FYN: variants seen among roughly 807,000 people sequenced by gnomAD.
FYN encodes tyrosine-protein kinase Fyn.
Under a neutral mutation model 70.2 loss-of-function variants are expected in FYN, and 10 were observed. The observed-to-expected ratio is 0.14, with a 90% CI of 0.09 to 0.24. The LOEUF is 0.24. Among genes scored for constraint, FYN ranks in the 10% least tolerant of loss-of-function variants. The probability of loss-of-function intolerance (pLI) is 1.00; values close to 1 mark genes in which losing one functional copy is unlikely to be tolerated. For missense variants in FYN, 319 were observed against 673.1 expected (o/e 0.47, Z 5.82); for synonymous variants, 236 against 248.6 (o/e 0.95, Z 0.48).
At chr6:111,858,707 G>T (rs925727328) in intron 1 of FYN, among the ~76,000 whole-genome samples, 2 of 152,006 alleles carry the variant, frequency 1.3e-5, no homozygotes, top group Admixed American at 6.6e-5. Flanking sequence ...TAGCTTCAAT[G>T]GGGGAGACTC....
At chr6:111,662,079 G>C in intron 13 of FYN, 132 bp from the exon 14 acceptor site, 1 of 674,676 alleles carries the variant, frequency 1.5e-6, no homozygotes, top group Non-Finnish European at 2.5e-6. Context: ...ATCCCCCCAG[G>C]AGTCAAACCC....
chr6:111,855,449 A>G (rs1193683289), intron 1 of FYN, among the ~76,000 whole-genome samples: 2 of 152,230 alleles, frequency 1.3e-5, no homozygotes, highest in East Asian at 1.9e-4. Context: ...TCATAACTGC[A>G]TTCAAACAAG....
chr6:111,696,359 C>G lies in FYN; in HGVS notation c.960G>C (p.Lys320Asn). Residue 320 changes from lysine to asparagine, a missense_variant, in exon 10 of 14, where the codon AAG becomes AAC. By Grantham distance (94) the Lys-to-Asn change is moderately conservative (BLOSUM62 0). Around this residue, in one of 4 missense-constraint regions of FYN, gnomAD observed 112 missense variants for 250.2 expected, o/e 0.45. Transcript: ENST00000354650. The part of the protein sequence containing the change: ...SFLEEAQIMK[K>N]LKHDKLVQLY... ...GCTGGACCAGCTTGTCGTGCTTCAG[C>G]TTCTTCATGATCTGCGCTTCCTCAA... The G allele has an allele frequency of 6.2e-7, 1 of 1,613,992 alleles. No homozygotes were observed. Among genetic ancestry groups the G allele is most frequent in the Non-Finnish European group, 8.5e-7 (1 of 1,179,966 alleles).
intron 12 of FYN, among the ~76,000 whole-genome samples, chr6:111,692,279 A>G (rs2128432274): frequency 6.6e-6 from 1 of 152,336 alleles, no homozygotes; most frequent in South Asian, 2.1e-4. Context: ...AGGCTAAAAG[A>G]ACAAGGTTGG....
chr6:111,677,952 A>G (rs1798605577), intron 12 of FYN, among the ~76,000 whole-genome samples: 1 of 152,170 alleles, frequency 6.6e-6, no homozygotes, highest in Admixed American at 6.5e-5. Context: ...ATGATCATCT[A>G]TGTCACTGAT....
intron 9 of FYN, among the ~76,000 whole-genome samples, chr6:111,698,188 CA>C (rs1799660770): frequency 6.6e-6 from 1 of 151,994 alleles, no homozygotes; most frequent in African/African-American, 2.4e-5. Flanking sequence ...TGCAATGGTG[CA>C]ATGGTGCGAT....
intron 13 of FYN, among the ~76,000 whole-genome samples, chr6:111,665,649 C>T (rs1453990793): frequency 5.9e-5 from 9 of 151,766 alleles, no homozygotes; most frequent in Admixed American, 3.3e-4. Context: ...TGAGATGAAG[C>T]GTGGCTCTGT....
chr6:111,803,169 T>C (rs573764181), intron 2 of FYN, among the ~76,000 whole-genome samples: 1 of 152,378 alleles, frequency 6.6e-6, no homozygotes, highest in South Asian at 2.1e-4. Flanking sequence ...GCCAAGCTCC[T>C]GCTTCATCCC....
At chr6:111,834,695 G>A (rs1461963392) in intron 2 of FYN, among the ~76,000 whole-genome samples, 1 of 152,216 alleles carries the variant, frequency 6.6e-6, no homozygotes, top group Non-Finnish European at 1.5e-5. Context: ...CTTTTGCTGA[G>A]TTGTACTCAG....
At chr6:111,857,730 T>C (rs979145273) in intron 1 of FYN, among the ~76,000 whole-genome samples, 1 of 152,182 alleles carries the variant, frequency 6.6e-6, no homozygotes, top group African/African-American at 2.4e-5. Context: ...ACAGGTAACC[T>C]AGTGGCTTCA....
chr6:111,671,186 T>C (rs1310338311), intron 13 of FYN, among the ~76,000 whole-genome samples: 1 of 152,232 alleles, frequency 6.6e-6, no homozygotes, highest in Non-Finnish European at 1.5e-5. Flanking sequence ...CAGTATTTTT[T>C]CCTTCGGCTT....
Position 111,718,544 on chromosome 6 carries a change from C to T in FYN, c.247+1261G>A, listed in dbSNP as rs537577391. 1.3e-4 allele frequency among the ~76,000 whole-genome samples: 20 copies of T among 152,278 alleles called. No individual in the cohort carries two copies. The South Asian group carries it at 3.9e-3, about 30-fold the overall frequency. ...GTGAATGAATGAACAAGGACAATGG[C>T]TGTGTCAGTAGAATTAACAGTCTGG... On this transcript the variant is annotated intron_variant, in intron 4 of 13. Transcript: ENST00000354650.
At chr6:111,768,293 C>T (rs1562513039) in intron 3 of FYN, among the ~76,000 whole-genome samples, 1 of 152,220 alleles carries the variant, frequency 6.6e-6, no homozygotes, top group African/African-American at 2.4e-5. Flanking sequence ...CAATGCCCAG[C>T]ACTGTTCCTT....
chr6:111,787,896 T>A (rs2128510940), intron 2 of FYN, among the ~76,000 whole-genome samples: 1 of 152,308 alleles, frequency 6.6e-6, no homozygotes, highest in Non-Finnish European at 1.5e-5. Context: ...CACAAACTTT[T>A]CAGCTTTGCA....
At chr6:111,767,216 A>C (rs2128497556) in intron 3 of FYN, among the ~76,000 whole-genome samples, 1 of 152,306 alleles carries the variant, frequency 6.6e-6, no homozygotes, top group Admixed American at 6.5e-5. Flanking sequence ...CTGCTCTTCT[A>C]AAACTTCAGG....
intron 2 of FYN, among the ~76,000 whole-genome samples, chr6:111,785,402 T>C (rs899050546): frequency 6.6e-6 from 1 of 152,246 alleles, no homozygotes; most frequent in Non-Finnish European, 1.5e-5. Flanking sequence ...GTTTGTTGAA[T>C]GAATAAATGA....
At chr6:111,775,475 G>A (rs1770896754) in intron 3 of FYN, among the ~76,000 whole-genome samples, 1 of 152,210 alleles carries the variant, frequency 6.6e-6, no homozygotes, top group African/African-American at 2.4e-5. Context: ...TAACACAGAA[G>A]TTGACACCCT....
intron 4 of FYN, among the ~76,000 whole-genome samples, chr6:111,717,116 G>A (rs1396366556): frequency 6.6e-6 from 1 of 151,958 alleles, no homozygotes; most frequent in Non-Finnish European, 1.5e-5. Context: ...TTTTACTAGT[G>A]CCACAGACTT....
At chr6:111,745,421 G>T (rs1693359981) in intron 3 of FYN, among the ~76,000 whole-genome samples, 1 of 152,186 alleles carries the variant, frequency 6.6e-6, no homozygotes, top group Non-Finnish European at 1.5e-5. Flanking sequence ...GGGCCTGTGG[G>T]AAGGACTGGT....
Sources: gnomAD v4.1 joint callset for allele counts (sites outside exome capture counted in the v4.1 genomes callset) on GRCh38, gnomAD v4.1.1 for gene constraint, gnomAD v4.1.1 regional missense constraint, MANE v1.5 for transcripts, NCBI Gene and HGNC (gene_info 2026-07-23, HGNC 2026-07-21) for gene names.